Variants in HDGFL3 observed in about 807,000 individuals in gnomAD.
HDGFL3 encodes the protein HDGF like 3.
A neutral mutation model predicts 27.6 loss-of-function variants in HDGFL3; 6 were observed. That is an observed-to-expected ratio of 0.22 (90% CI 0.12 to 0.43). The LOEUF is 0.43. Among genes scored for constraint, HDGFL3 ranks in the 20% least tolerant of loss-of-function variants. The pLI is 1.00. For synonymous variants in HDGFL3, 88 were observed against 88.9 expected, an observed-to-expected ratio of 0.99 and a Z score of 0.05; for missense variants, 207 against 250.1, an observed-to-expected ratio of 0.83 and a Z score of 1.16.
chr15:83,144,855 C>A (rs1221432809), intron 5 of HDGFL3: 3 of 292,538 alleles, frequency 1.0e-5, no homozygotes, highest in African/African-American at 6.7e-5. Context: ...CTTTAAGTCA[C>A]TAGTTTTCAG....
rs1263596496 is a variant in HDGFL3, at chr15:83,136,418, T to G, written c.*2852A>C. ...GTAGCCTGAATGAACCATTCAGAAC[T>G]CATCATGCATCCAACTGAACACGTT... On this transcript the variant is annotated 3_prime_UTR_variant, in exon 6 of 6. Coordinates refer to ENST00000299633, the MANE Select transcript of HDGFL3 (RefSeq NM_016073.4). 2 of 1,437,886 alleles carry G rather than the reference T, an allele frequency of 1.4e-6. No individual in the cohort carries two copies. Among genetic ancestry groups the G allele is most frequent in the Non-Finnish European group, 1.9e-6 (2 of 1,066,536 alleles). The allele number at this position is 1,437,886 out of a possible 1,614,324, so 89.1% of individuals were successfully genotyped here.
At chr15:83,181,861 T>G (rs1158658738) in intron 1 of HDGFL3, among the ~76,000 whole-genome samples, 2 of 152,240 alleles carry the variant, frequency 1.3e-5, no homozygotes, top group African/African-American at 4.8e-5. Context: ...CTCCTTGGTC[T>G]TCAAAGCTAT....
At chr15:83,149,918 G>A (rs2036943681) in intron 5 of HDGFL3, among the ~76,000 whole-genome samples, 1 of 152,118 alleles carries the variant, frequency 6.6e-6, no homozygotes, top group African/African-American at 2.4e-5. Flanking sequence ...GAAAACAGGA[G>A]GAGATAATAT....
intron 4 of HDGFL3, among the ~76,000 whole-genome samples, chr15:83,155,364 C>T (rs2037015166): frequency 6.6e-6 from 1 of 152,206 alleles, no homozygotes; most frequent in Admixed American, 6.5e-5. Context: ...TTAAAAGCCA[C>T]ATATCCACAC....
chr15:83,197,355 A>T (rs1433492438), intron 1 of HDGFL3, among the ~76,000 whole-genome samples: 2 of 152,238 alleles, frequency 1.3e-5, no homozygotes, highest in Non-Finnish European at 2.9e-5. Flanking sequence ...CAGATGTAAG[A>T]CATAAAACTG....
chr15:83,128,546 G>C lies in HDGFL3; in HGVS notation c.*10724C>G, dbSNP rs1303656520. On this transcript the variant is annotated 3_prime_UTR_variant, in exon 6 of 6. Coordinates refer to ENST00000299633, the MANE Select transcript of HDGFL3 (RefSeq NM_016073.4). ...TTCTGTATTTTAGGTCTTTATCTTT[G>C]TATCTTTCAATACCAACTATAAGCT... 6.6e-6 allele frequency: 1 copy of C among 152,016 alleles called. No individual in the cohort carries two copies. Among genetic ancestry groups the C allele is most frequent in the Non-Finnish European group, 1.5e-5 (1 of 68,004 alleles). The allele number at this position is 152,016 out of a possible 1,614,324, so 9.4% of individuals were successfully genotyped here. A position where few individuals can be genotyped will look rare whatever the true frequency, so the allele number is the denominator to read the frequency against.
intron 1 of HDGFL3, among the ~76,000 whole-genome samples, chr15:83,195,309 GA>G (rs1161654751): frequency 6.6e-6 from 1 of 152,048 alleles, no homozygotes; most frequent in Non-Finnish European, 1.5e-5. Context: ...CTGTTATGTG[GA>G]AAGTGTAAAA....
chr15:83,148,090 A>C (rs1005156617), intron 5 of HDGFL3, among the ~76,000 whole-genome samples: 22 of 152,248 alleles, frequency 1.4e-4, no homozygotes, highest in Admixed American at 1.4e-3. Context: ...TATACTCACT[A>C]TATTGGCAAT....
rs539845126 is a variant in HDGFL3 at position 83,204,287 on chromosome 15, G to A, written c.84+3044C>T. Among the ~76,000 whole-genome samples, 5 of 151,764 alleles carry A rather than the reference G, an allele frequency of 3.3e-5. No individual in the cohort carries two copies. In the South Asian group the frequency reaches 8.4e-4, roughly 25 times the overall value. On this transcript the variant is annotated intron_variant, in intron 1 of 5. Transcript: ENST00000299633. Reference sequence around the variant, plus strand: ...AATGTATACATTTGTCAAACTCACCGAATGGTACAGTTAAGGTAAGTACAT... The same window carrying A: ...AATGTATACATTTGTCAAACTCACCAAATGGTACAGTTAAGGTAAGTACAT...
downstream of HDGFL3, among the ~76,000 whole-genome samples, chr15:83,125,477 A>C (rs941517437): frequency 1.6e-4 from 24 of 152,204 alleles, no homozygotes; most frequent in African/African-American, 4.3e-4. Flanking sequence ...CTGTAAAATA[A>C]CACTACCTAC....
At chr15:83,145,896 CCTTTTTTT>C (rs1371098457) in intron 5 of HDGFL3, among the ~76,000 whole-genome samples, 16 of 99,032 alleles carry the variant, frequency 1.6e-4, no homozygotes, top group Admixed American at 2.8e-4. Context: ...CTTTCTTCTT[CCTTTTTTT>C]TTTTTTTTTT....
At chr15:83,185,244 G>A (rs779725357) in intron 1 of HDGFL3, among the ~76,000 whole-genome samples, 8 of 152,202 alleles carry the variant, frequency 5.3e-5, no homozygotes, top group Non-Finnish European at 7.4e-5. Context: ...GGCTGGTCTC[G>A]AACTCCTGAC....
intron 1 of HDGFL3, among the ~76,000 whole-genome samples, chr15:83,195,917 A>T (rs1319704936): frequency 6.6e-6 from 1 of 152,076 alleles, no homozygotes; most frequent in African/African-American, 2.4e-5. Context: ...AACAGGTTAC[A>T]AAACTAATAT....
At chr15:83,115,787 C>T (rs1698164566) in intron 3 of HDGFL3, 1 of 1,125,774 alleles carries the variant, frequency 8.9e-7, no homozygotes, top group Non-Finnish European at 1.4e-6. Flanking sequence ...TGATGCCAAG[C>T]TTGTAGTAAT....
intron 1 of HDGFL3, among the ~76,000 whole-genome samples, chr15:83,185,728 A>C (rs1202351004): frequency 6.6e-6 from 1 of 152,226 alleles, no homozygotes; most frequent in Non-Finnish European, 1.5e-5. Flanking sequence ...GGTTGTTTCT[A>C]AAATGGCTTG....
At chr15:83,176,994 T>C (rs2037320520) in intron 1 of HDGFL3, among the ~76,000 whole-genome samples, 2 of 78,876 alleles carry the variant, frequency 2.5e-5, no homozygotes, top group African/African-American at 9.6e-5. Context: ...CTCAGCTCAC[T>C]GCAACCTCCG....
chr15:83,195,281 A>G (rs1340581093), intron 1 of HDGFL3, among the ~76,000 whole-genome samples: 1 of 152,178 alleles, frequency 6.6e-6, no homozygotes, highest in African/African-American at 2.4e-5. Flanking sequence ...CTAATTGTAT[A>G]ACAGGTTATT....
chr15:83,132,792 A>G lies in HDGFL3; in HGVS notation c.*6478T>C, dbSNP rs754923901. On this transcript the variant is annotated 3_prime_UTR_variant, in exon 6 of 6. Transcript: ENST00000299633. ...ACACGGATAGTTGGGATACTAATGCAAATCTTGTTTTCTTCATTTGCTTCT... is the reference window on the plus strand; with the variant it reads ...ACACGGATAGTTGGGATACTAATGCGAATCTTGTTTTCTTCATTTGCTTCT... 18 of 152,210 alleles carry G rather than the reference A, an allele frequency of 1.2e-4. No individual in the cohort carries two copies. Among genetic ancestry groups the G allele is most frequent in the Non-Finnish European group, 2.4e-4 (16 of 68,042 alleles). The allele number at this position is 152,210 out of a possible 1,614,324, so 9.4% of individuals were successfully genotyped here. A position where few individuals can be genotyped will look rare whatever the true frequency, so the allele number is the denominator to read the frequency against.
intron 1 of HDGFL3, among the ~76,000 whole-genome samples, chr15:83,176,264 TA>T (rs1480644210): frequency 1.3e-5 from 2 of 152,192 alleles, no homozygotes; most frequent in East Asian, 3.8e-4. Context: ...CTGGAAAGGG[TA>T]TTAACAAATT....
Sources: allele counts gnomAD v4.1 joint callset (sites outside exome capture counted in the v4.1 genomes callset), GRCh38; gene constraint gnomAD v4.1.1; transcripts MANE v1.5; gene names NCBI Gene and HGNC (gene_info 2026-07-23, HGNC 2026-07-21).